The following MFGE8 variants were observed in gnomAD, a reference collection of about 807,000 sequenced individuals.
MFGE8 encodes lactadherin.
MFGE8 carries 34 observed loss-of-function variants against 42.6 expected under a neutral mutation model. The observed-to-expected ratio is 0.80, with a 90% confidence interval of 0.61 to 1.06. The LOEUF (loss-of-function observed/expected upper bound fraction) is 1.06. Ranked by LOEUF, MFGE8 falls within the 50% of genes least tolerant of loss-of-function variation. The pLI is 0.00. For synonymous variants in MFGE8, 230 were observed against 214.8 expected (o/e 1.07, Z -0.62); for missense variants, 510 against 516.9 (o/e 0.99, Z 0.13).
At position 88,901,692 on chromosome 15, in the gene MFGE8, G is replaced by C; in HGVS notation, c.729C>G (p.Asp243Glu). 6.2e-7 allele frequency: 1 copy of C among 1,613,864 alleles called. No individual in the cohort carries two copies. The highest frequency in any genetic ancestry group is 1.7e-5 in the Admixed American group (1 of 59,964). Residue 243 changes from aspartate to glutamate, a missense_variant, in exon 6 of 8, where the codon GAC becomes GAG. Transcript: ENST00000268150. ...AGCTGCTGGAGGCCGTGATCTGCTT[G>C]TCAGGGATGCTGTTATTCTTCAGGC... Reference protein sequence around the residue: ...PLGLKNNSIPDKQITASSSYK... With the variant: ...PLGLKNNSIPEKQITASSSYK...
chr15:88,908,955 G>A (rs1390237311), intron 2 of MFGE8, among the ~76,000 whole-genome samples: 2 of 152,180 alleles, frequency 1.3e-5, no homozygotes, highest in Non-Finnish European at 2.9e-5. Context: ...TCTCCCTGAG[G>A]AGGGCAAGAT....
chr15:88,901,537 G>T lies in MFGE8; in HGVS notation c.870+14C>A. On this transcript the variant is annotated intron_variant, in intron 6 of 7. Coordinates refer to ENST00000268150, the MANE Select transcript of MFGE8 (RefSeq NM_005928.4). Reference sequence around the variant, plus strand: ...ACCCAACCCCAGCCCCATATCCCAAGAAGGCTGACCCACCTGCAGCCACTG... The same window carrying T: ...ACCCAACCCCAGCCCCATATCCCAATAAGGCTGACCCACCTGCAGCCACTG... 4.2e-6 allele frequency: 3 copies of T among 719,652 alleles called. No homozygotes were observed. The highest frequency in any genetic ancestry group is 1.8e-5 in the African/African-American group (1 of 54,120). The allele number at this position is 719,652 out of a possible 1,614,324, so 44.6% of individuals were successfully genotyped here.
chr15:88,901,336 T>C lies in MFGE8; in HGVS notation c.870+215A>G, dbSNP rs531633480. The stretch of plus-strand genomic sequence containing the variant: ...ACACACATTCACACACACACACACA[T>C]ACACACACACACCCTTTCTCCACCT... On this transcript the variant is annotated intron_variant, in intron 6 of 7. Transcript: ENST00000268150. Among the ~76,000 whole-genome samples the C allele has an allele frequency of 4.6e-3, 636 of 137,290 alleles. 22 individuals carry two copies. In the South Asian group the frequency reaches 0.1, roughly 22 times the overall value. The allele number at this position is 137,290 out of a possible 152,430, so 90.1% of individuals were successfully genotyped here. A position where few individuals can be genotyped will look rare whatever the true frequency, so the allele number is the denominator to read the frequency against.
rs757082072 is a variant in MFGE8 at position 88,899,718 on chromosome 15, C to T, written c.964G>A (p.Ala322Thr). 3 of 1,614,082 alleles carry T rather than the reference C, an allele frequency of 1.9e-6. No individual in the cohort carries two copies. In the East Asian group the frequency reaches 6.7e-5, roughly 36 times the overall value. ...CAGTTCGCACTGTCATTACTGTAGGCAACCTTGTAGGATGCCACAAACTGG... is the reference window on the plus strand; with the variant it reads ...CAGTTCGCACTGTCATTACTGTAGGTAACCTTGTAGGATGCCACAAACTGG... ...SVQFVASYKV[A>T]YSNDSANWTE... is the part of the protein sequence containing the mutation. The change falls in exon 7 of 8, where the codon GCC becomes ACC. Residue 322 changes from alanine (A) to threonine (T), a missense_variant. Transcript: ENST00000268150. This position sits in a 1 kb window ranked among gnomAD's most constrained non-coding sequence, Gnocchi z 6.8.
chr15:88,899,773 G>A lies in MFGE8; in HGVS notation c.909C>T (p.Ile303=), dbSNP rs1342029506. Residue 303 remains isoleucine (I), a synonymous_variant, in exon 7 of 8, where the codon ATC becomes ATT. Coordinates refer to ENST00000268150, the MANE Select transcript of MFGE8 (RefSeq NM_005928.4). This position sits in a 1 kb window ranked among gnomAD's most constrained non-coding sequence, Gnocchi z 6.8. Reference sequence around the variant, plus strand: ...AGCCAAAGTTACGGGCCCCCTGGGTGATGATGCCTGTCACCTCCTTCGAGG... The same window carrying A: ...AGCCAAAGTTACGGGCCCCCTGGGTAATGATGCCTGTCACCTCCTTCGAGG... ...LGSSKEVTGI[I]TQGARNFGSV... is the part of the protein sequence containing the mutation. 4 of 1,613,998 alleles carry A rather than the reference G, an allele frequency of 2.5e-6. No homozygotes were observed. The highest frequency in any genetic ancestry group is 1.3e-5 in the African/African-American group (1 of 74,922).
At chr15:88,900,719 A>G in intron 6 of MFGE8, 1 of 985,442 alleles carries the variant, frequency 1.0e-6, no homozygotes, top group Non-Finnish European at 1.2e-6. Context: ...TTCCTCATCT[A>G]TAAAACAAGC....
intron 2 of MFGE8, among the ~76,000 whole-genome samples, chr15:88,907,688 C>T (rs1032195868): frequency 6.9e-6 from 1 of 144,460 alleles, no homozygotes; most frequent in Non-Finnish European, 1.5e-5. Context: ...CCATGATTGG[C>T]ACTCATGGAA....
Position 88,909,906 on chromosome 15 carries a change from G to C in MFGE8, c.91C>G (p.Pro31Ala). 1.2e-5 allele frequency: 19 copies of C among 1,614,196 alleles called. No homozygotes were observed. The highest frequency in any genetic ancestry group is 1.5e-5 in the Non-Finnish European group (18 of 1,180,018). Residue 31 changes from proline (P) to alanine (A), a missense_variant, in exon 2 of 8, where the codon CCC becomes GCC. Physicochemically the swap from Pro to Ala is conservative, Grantham distance 27 (BLOSUM62 -1). Transcript: ENST00000268150. Reference sequence around the variant, plus strand: ...TCGCATAAACCACCGTTGTGGCAGGGGTTTTTGGAACAGATATCTGGGGAC... The same window carrying C: ...TCGCATAAACCACCGTTGTGGCAGGCGTTTTTGGAACAGATATCTGGGGAC... ...LVALDICSKNPCHNGGLCEEI... is the reference protein window; with the variant it reads ...LVALDICSKNACHNGGLCEEI...
chr15:88,907,030 G>A (rs1445691736), intron 3 of MFGE8, among the ~76,000 whole-genome samples, 165 bp downstream of exon 3: 2 of 152,136 alleles, frequency 1.3e-5, no homozygotes, highest in Non-Finnish European at 2.9e-5. Context: ...CCCATACCAG[G>A]TTCCTCCAGG....
At chr15:88,907,507 C>T (rs1280679031) in intron 2 of MFGE8, 131 bp from the exon 3 acceptor site, 4 of 829,488 alleles carry the variant, frequency 4.8e-6, no homozygotes, top group Admixed American at 2.0e-5. Flanking sequence ...ACCTCAGAGC[C>T]TCTCTCAGAA....
At chr15:88,909,983 A>C (rs972904120) in intron 1 of MFGE8, 60 bp from the exon 2 acceptor site, 5 of 1,606,210 alleles carry the variant, frequency 3.1e-6, no homozygotes, top group Non-Finnish European at 4.3e-6. Context: ...GACACAGGTG[A>C]GAAGTAGCAG....
chr15:88,911,988 A>T (rs1898982700), intron 1 of MFGE8: 1 of 596,228 alleles, frequency 1.7e-6, no homozygotes, highest in South Asian at 1.7e-5. Flanking sequence ...GCGAGCATTG[A>T]CACAGACAGA....
chr15:88,909,979 G>C, intron 1 of MFGE8, 56 bp from the exon 2 acceptor site: 1 of 1,609,566 alleles, frequency 6.2e-7, no homozygotes, highest in Non-Finnish European at 8.5e-7. Flanking sequence ...TGGGGACACA[G>C]GTGAGAAGTA....
At chr15:88,907,163 T>C (rs1898721756) in intron 3 of MFGE8, 32 bp downstream of exon 3, 2 of 1,599,972 alleles carry the variant, frequency 1.3e-6, no homozygotes, top group Non-Finnish European at 8.5e-7. Context: ...CTTCTCTCCA[T>C]TGCCCCGCCC....
At chr15:88,909,244 T>C (rs986955227) in intron 2 of MFGE8, among the ~76,000 whole-genome samples, 1 of 152,204 alleles carries the variant, frequency 6.6e-6, no homozygotes. Context: ...ATGCAAGGCC[T>C]CTGACCACCT....
chr15:88,905,026 G>C lies in MFGE8; in HGVS notation c.685+731C>G, dbSNP rs28616621. The C allele has an allele frequency of 0.11, 17,023 of 161,752 alleles. 1,045 individuals are homozygous for C. The highest frequency in any genetic ancestry group is 0.14 in the Non-Finnish European group (10,173 of 73,718). 10.0% of individuals were successfully genotyped at this position (161,752 alleles called of 1,614,324 possible). A position where few individuals can be genotyped will look rare whatever the true frequency, so the allele number is the denominator to read the frequency against. On this transcript the variant is annotated intron_variant, in intron 5 of 7. Coordinates refer to ENST00000268150, the MANE Select transcript of MFGE8 (RefSeq NM_005928.4). The surrounding 1 kb of genome is among the most constrained non-coding windows in gnomAD (Gnocchi z 6.6). ...AATTAATGTCTGTCAGCCCAAACCC[G>C]GCACTCTGACCTCGCCCAGGCTGTC... is the stretch of plus-strand genomic sequence containing the variant.
chr15:88,901,009 A>ATT (rs1898341706), intron 6 of MFGE8, among the ~76,000 whole-genome samples: 1 of 151,002 alleles, frequency 6.6e-6, no homozygotes, highest in Non-Finnish European at 1.5e-5. Context: ...ACATTCACAC[A>ATT]CACACACACA....
rs572265239 is a variant in MFGE8, at chr15:88,899,087, G to C, written c.*308C>G. ...GCACCTGGGATCGGCGGTCCGGACAGGGGCAGGGAAACCACACGCCCTACT... is the reference window on the plus strand; with the variant it reads ...GCACCTGGGATCGGCGGTCCGGACACGGGCAGGGAAACCACACGCCCTACT... On this transcript the variant is annotated 3_prime_UTR_variant, in exon 8 of 8. Transcript: ENST00000268150. This position sits in a 1 kb window ranked among gnomAD's most constrained non-coding sequence, Gnocchi z 6.8. The C allele has an allele frequency of 4.4e-4, 206 of 469,596 alleles. 7 individuals carry two copies. Among genetic ancestry groups the C allele is most frequent in the South Asian group, 3.4e-3 (157 of 46,214 alleles). The allele number at this position is 469,596 out of a possible 1,614,324, so 29.1% of individuals were successfully genotyped here. A position where few individuals can be genotyped will look rare whatever the true frequency, so the allele number is the denominator to read the frequency against.
Position 88,907,272 on chromosome 15 carries a change from C to T in MFGE8, c.310G>A (p.Glu104Lys), listed in dbSNP as rs112222226. 6.2e-7 allele frequency: 1 copy of T among 1,614,170 alleles called. No homozygotes were observed. Among genetic ancestry groups the T allele is most frequent in the African/African-American group, 1.3e-5 (1 of 75,042 alleles). ...CCTGCGCGGTTCAGGCGGGCCAGCT[C>T]CGGGACCCAATGCTGCAAACCCAAG... Reference protein sequence around the residue: ...TFLGLQHWVPELARLNRAGMV... With the variant: ...TFLGLQHWVPKLARLNRAGMV... Residue 104 changes from glutamate (E) to lysine (K), a missense_variant, in exon 3 of 8, where the codon GAG becomes AAG. By Grantham distance (56) the Glu-to-Lys change is moderately conservative. Transcript: ENST00000268150.
Sources: allele counts gnomAD v4.1 joint callset (sites outside exome capture counted in the v4.1 genomes callset), GRCh38; gene constraint gnomAD v4.1.1; non-coding constraint Gnocchi (gnomAD v3.1); transcripts MANE v1.5; gene names NCBI Gene and HGNC (gene_info 2026-07-23, HGNC 2026-07-21).